The following KDM2B variants were observed in gnomAD, a reference collection of about 807,000 sequenced individuals.
KDM2B encodes the protein lysine demethylase 2B.
KDM2B carries 26 observed loss-of-function variants against 150.0 expected under a neutral mutation model. The ratio of observed to expected loss-of-function variants is 0.17; its 90% CI spans 0.13 to 0.24. The LOEUF (loss-of-function observed/expected upper bound fraction) is 0.24. Among genes scored for constraint, KDM2B ranks in the 10% least tolerant of loss-of-function variants. The probability of loss-of-function intolerance (pLI) is 1.00; values close to 1 mark genes in which losing one functional copy is unlikely to be tolerated. For synonymous variants in KDM2B, 734 were observed against 729.5 expected (o/e 1.01, Z -0.10); for missense variants, 1,265 against 1,816.9 (o/e 0.70, Z 5.52).
intron 12 of KDM2B, among the ~76,000 whole-genome samples, chr12:121,474,025 A>G (rs1881064960): frequency 6.6e-6 from 1 of 152,210 alleles, no homozygotes; most frequent in Non-Finnish European, 1.5e-5. Flanking sequence ...AAAGTCCAGA[A>G]TAGACAAATC....
rs782103988 is a variant in KDM2B, at chr12:121,442,434, C to T, written c.3007G>A (p.Gly1003Ser). Reference protein sequence around the residue: ...RPHRFSKGLNGTPRELRHQLG... With the variant: ...RPHRFSKGLNSTPRELRHQLG... ...TGGTGCCGCAGCTCCCGGGGGGTGC[C>T]GTTGAGCCCCTTGCTGAAGCGGTGG... Residue 1003 changes from glycine to serine, a missense_variant, in exon 19 of 23, where the codon GGC (glycine) becomes AGC (serine). By Grantham distance (56) the Gly-to-Ser change is moderately conservative (BLOSUM62 0). Around this residue, in one of 11 missense-constraint regions of KDM2B, gnomAD observed 418 missense variants for 402.4 expected, o/e 1.04. Coordinates refer to ENST00000377071, the MANE Select transcript of KDM2B (RefSeq NM_032590.5). This position sits in a 1 kb window ranked among gnomAD's most constrained non-coding sequence, Gnocchi z 7.7. The T allele has an allele frequency of 2.5e-6, 4 of 1,599,394 alleles. No homozygotes were observed. Among genetic ancestry groups the T allele is most frequent in the East Asian group, 2.2e-5 (1 of 44,754 alleles).
intron 21 of KDM2B, chr12:121,440,387 G>C: frequency 2.2e-6 from 1 of 452,104 alleles, no homozygotes; most frequent in Non-Finnish European, 4.1e-6. Context: ...CGAGAAGCAC[G>C]GACCTAGGCA....
At chr12:121,578,004 G>T (rs1366719328) in intron 2 of KDM2B, among the ~76,000 whole-genome samples, 1 of 152,154 alleles carries the variant, frequency 6.6e-6, no homozygotes, top group Non-Finnish European at 1.5e-5. Context: ...CCCAGATTCC[G>T]CTCTCAATTG....
intron 6 of KDM2B, among the ~76,000 whole-genome samples, chr12:121,536,399 A>G (rs1156384126): frequency 6.6e-6 from 1 of 152,256 alleles, no homozygotes; most frequent in Non-Finnish European, 1.5e-5. Context: ...GCAGGCTGTC[A>G]CGAAGACAGG....
At chr12:121,563,074 T>G (rs979419574) in intron 4 of KDM2B, among the ~76,000 whole-genome samples, 6 of 152,062 alleles carry the variant, frequency 3.9e-5, no homozygotes, top group Non-Finnish European at 4.4e-5. Context: ...TCCCAGCTAC[T>G]TGGAAGGCTA....
intron 4 of KDM2B, among the ~76,000 whole-genome samples, chr12:121,566,652 C>T (rs536852432): frequency 1.3e-5 from 2 of 150,608 alleles, no homozygotes; most frequent in Admixed American, 6.6e-5. Context: ...AAAAATTAGC[C>T]GGGCATGGTG....
In KDM2B at chr12:121,509,823, G is replaced by C. The variant is rs375800970; in HGVS notation, c.1391C>G (p.Pro464Arg). The change falls in exon 11 of 23, where the codon CCT becomes CGT. Residue 464 changes from proline (P) to arginine (R), a missense_variant. Pro to Arg is a moderately radical substitution (Grantham distance 103). This residue lies in a region of KDM2B where 154 missense variants were observed against 162.5 expected (regional missense o/e 0.95). Transcript: ENST00000377071. The stretch of plus-strand genomic sequence containing the variant: ...AGTCCTTTTGAGGAATCGCAGGGCA[G>C]GTGCTTTGGGCTTCTTCCCGAGGGC... ...QEALGKKPKA[P>R]ALRFLKRTLS... 1.2e-6 allele frequency: 2 copies of C among 1,614,106 alleles called. No individual in the cohort carries two copies. The highest frequency in any genetic ancestry group is 1.3e-5 in the African/African-American group (1 of 75,034).
chr12:121,540,241 A>C (rs565963792), intron 6 of KDM2B, among the ~76,000 whole-genome samples: 3 of 152,154 alleles, frequency 2.0e-5, no homozygotes, highest in Non-Finnish European at 2.9e-5. Flanking sequence ...AGTTGAGAGA[A>C]AAAGCCAGGA....
intron 11 of KDM2B, among the ~76,000 whole-genome samples, chr12:121,500,028 A>G (rs1884373129): frequency 6.6e-6 from 1 of 151,996 alleles, no homozygotes; most frequent in African/African-American, 2.4e-5. Context: ...TCTCACACTC[A>G]TACCTCCCGT....
intron 6 of KDM2B, chr12:121,536,263 C>T (rs1444263880): frequency 5.6e-6 from 1 of 177,336 alleles, no homozygotes; most frequent in Non-Finnish European, 1.1e-5. Flanking sequence ...GTCCCTCCTC[C>T]CCATAGGCTG....
rs558946652 is a variant in KDM2B, at chr12:121,444,105, C to G, written c.2358G>C (p.Pro786=). 1 of 1,613,570 alleles carries G rather than the reference C, an allele frequency of 6.2e-7. No individual in the cohort carries two copies. The highest frequency in any genetic ancestry group is 1.3e-5 in the African/African-American group (1 of 74,948). ...ACTTTCTGCGCAGAAGGCCGTCCGG[C>G]GGCACCTTCTTCGAGTGCTCATCCG... ...RRSDEHSKKV[P]PDGLLRRKSD... The change falls in exon 16 of 23, where the codon CCG becomes CCC. Residue 786 remains proline (P), a synonymous_variant. Coordinates refer to ENST00000377071, the MANE Select transcript of KDM2B (RefSeq NM_032590.5).
the KDM2B span, among the ~76,000 whole-genome samples, chr12:121,412,340 C>T: frequency 1.9e-4 from 28 of 148,880 alleles, no homozygotes; most frequent in African/African-American, 6.9e-4. Context: ...CCCGGGTTCA[C>T]GCCATTCTCC....
At chr12:121,553,282 T>C (rs1889657017) in intron 4 of KDM2B, among the ~76,000 whole-genome samples, 1 of 151,428 alleles carries the variant, frequency 6.6e-6, no homozygotes, top group Admixed American at 6.6e-5. Flanking sequence ...TCTCGCTCTC[T>C]GGCCAGCCTC....
intron 11 of KDM2B, among the ~76,000 whole-genome samples, chr12:121,496,414 G>T (rs190346697): frequency 6.6e-6 from 1 of 151,420 alleles, no homozygotes; most frequent in Admixed American, 6.6e-5. Context: ...TGAAGGTGAA[G>T]ATTATTTTAA....
At chr12:121,426,452 CT>C (rs138972284), downstream of KDM2B, among the ~76,000 whole-genome samples, 23 of 125,758 alleles carry the variant, frequency 1.8e-4, no homozygotes, top group South Asian at 3.0e-4. Flanking sequence ...CCTCCCCCCC[CT>C]TTTTTTTTTA....
chr12:121,491,972 C>T (rs1004030522), intron 12 of KDM2B, among the ~76,000 whole-genome samples: 1 of 152,072 alleles, frequency 6.6e-6, no homozygotes, highest in Non-Finnish European at 1.5e-5. Context: ...GCCTTGGCAA[C>T]ATGGCAAAAC....
chr12:121,553,405 A>T (rs1555312152), intron 4 of KDM2B, among the ~76,000 whole-genome samples: 1 of 152,034 alleles, frequency 6.6e-6, no homozygotes, highest in Non-Finnish European at 1.5e-5. Context: ...CACTAAAATC[A>T]CGAACCCAGA....
chr12:121,502,719 C>T (rs964567184), intron 11 of KDM2B, among the ~76,000 whole-genome samples: 2 of 132,452 alleles, frequency 1.5e-5, no homozygotes, highest in African/African-American at 2.9e-5. Context: ...CCAAGGAGTT[C>T]GAGACCAGCC....
chr12:121,479,597 C>A (rs542616340), intron 12 of KDM2B, among the ~76,000 whole-genome samples: 1 of 151,956 alleles, frequency 6.6e-6, no homozygotes, highest in African/African-American at 2.4e-5. Context: ...GAAGCCTGGG[C>A]GACAAACTGT....
Sources: gnomAD v4.1 joint callset for allele counts (sites outside exome capture counted in the v4.1 genomes callset) on GRCh38, gnomAD v4.1.1 for gene constraint, gnomAD v4.1.1 regional missense constraint, Gnocchi (gnomAD v3.1) non-coding constraint, MANE v1.5 for transcripts, NCBI Gene and HGNC (gene_info 2026-07-23, HGNC 2026-07-21) for gene names.